Variants in CTNNA2 observed in about 807,000 individuals in gnomAD.
CTNNA2 encodes the protein catenin alpha 2.
CTNNA2 carries 42 observed loss-of-function variants against 101.0 expected under a neutral mutation model. That is an observed-to-expected ratio of 0.42 (90% confidence interval 0.32 to 0.54). The LOEUF is 0.54. Ranked by LOEUF, CTNNA2 falls within the 20% of genes least tolerant of loss-of-function variation. The pLI is 0.14. For missense variants in CTNNA2, 871 were observed against 1,223.1 expected, an observed-to-expected ratio of 0.71 and a Z score of 4.29; for synonymous variants, 450 against 456.4, an observed-to-expected ratio of 0.99 and a Z score of 0.18.
At chr2:80,170,841 G>A (rs922287161) in intron 7 of CTNNA2, among the ~76,000 whole-genome samples, 5 of 152,130 alleles carry the variant, frequency 3.3e-5, no homozygotes, top group African/African-American at 7.2e-5. Context: ...TGCTGGGGTT[G>A]CTTTTATATT....
intron 4 of CTNNA2, among the ~76,000 whole-genome samples, chr2:79,495,045 G>A (rs1192230047): frequency 6.6e-6 from 1 of 152,134 alleles, no homozygotes; most frequent in African/African-American, 2.4e-5. Flanking sequence ...GGAGCTTGCA[G>A]TGAGCCGAGA....
intron 1 of CTNNA2, among the ~76,000 whole-genome samples, chr2:79,618,375 T>TA (rs1373727461): frequency 6.6e-6 from 1 of 152,202 alleles, no homozygotes; most frequent in East Asian, 1.9e-4. Context: ...CTATGATAGT[T>TA]ATTGGATTGG....
chr2:79,730,364 A>G lies in CTNNA2; in HGVS notation c.103-14023A>G, dbSNP rs17017711. On this transcript the variant is annotated intron_variant, in intron 2 of 18. Transcript: ENST00000402739. ...GGTTTATTTTAATTCTAGAGTAGAAACTAATGAACAATAGAAGGATGAGAT... is the reference window on the plus strand; with the variant it reads ...GGTTTATTTTAATTCTAGAGTAGAAGCTAATGAACAATAGAAGGATGAGAT... Among the ~76,000 whole-genome samples the G allele has an allele frequency of 9.8e-3, 1,491 of 152,202 alleles. 61 individuals are homozygous for G. The East Asian group carries it at 0.11, about 12-fold the overall frequency.
chr2:79,640,861 T>C (rs1397332207), intron 1 of CTNNA2, among the ~76,000 whole-genome samples: 4 of 152,190 alleles, frequency 2.6e-5, no homozygotes, highest in African/African-American at 9.6e-5. Flanking sequence ...TGGTGGGTTA[T>C]GTCAAACTAA....
chr2:80,286,104 C>T (rs973736314), intron 7 of CTNNA2, among the ~76,000 whole-genome samples: 1 of 152,102 alleles, frequency 6.6e-6, no homozygotes, highest in African/African-American at 2.4e-5. Context: ...TTCCACTTAC[C>T]TGCTCATTGT....
intron 7 of CTNNA2, among the ~76,000 whole-genome samples, chr2:80,244,720 C>T (rs1027161052): frequency 1.3e-5 from 2 of 152,186 alleles, no homozygotes; most frequent in African/African-American, 2.4e-5. Flanking sequence ...TCTCTCATTT[C>T]GTACATCTTA....
At chr2:80,042,356 T>C (rs1285537259) in intron 7 of CTNNA2, among the ~76,000 whole-genome samples, 2 of 152,198 alleles carry the variant, frequency 1.3e-5, no homozygotes, top group Non-Finnish European at 2.9e-5. Context: ...GAGAATGGCG[T>C]CAAGGCTTAA....
intron 2 of CTNNA2, among the ~76,000 whole-genome samples, chr2:79,703,099 A>T (rs1406474068): frequency 3.9e-5 from 6 of 152,204 alleles, no homozygotes; most frequent in Non-Finnish European, 8.8e-5. Flanking sequence ...ACAGAAGAGA[A>T]ATCTGGAGAG....
At chr2:80,639,737 A>G (rs1673262089) in intron 18 of CTNNA2, among the ~76,000 whole-genome samples, 1 of 152,214 alleles carries the variant, frequency 6.6e-6, no homozygotes, top group South Asian at 2.1e-4. Flanking sequence ...TGGTATTAGT[A>G]CAAAAAAGTG....
intron 4 of CTNNA2, chr2:79,498,122 T>A (rs1300184097): frequency 6.6e-6 from 1 of 152,216 alleles, no homozygotes; most frequent in South Asian, 2.1e-4. Flanking sequence ...TCCTCCTATA[T>A]GTAGATACCA....
chr2:80,602,392 A>C (rs1403957603), intron 15 of CTNNA2, among the ~76,000 whole-genome samples: 1 of 152,070 alleles, frequency 6.6e-6, no homozygotes, highest in Non-Finnish European at 1.5e-5. Context: ...TGGAACGTTC[A>C]TGAGGAAGCA....
At chr2:79,578,657 A>G (rs1032283164) in intron 1 of CTNNA2, among the ~76,000 whole-genome samples, 4 of 151,914 alleles carry the variant, frequency 2.6e-5, no homozygotes, top group Admixed American at 2.0e-4. Flanking sequence ...TTTGCCCTGC[A>G]CTCTCTGCCT....
At chr2:80,290,111 G>A (rs1675108514) in intron 7 of CTNNA2, among the ~76,000 whole-genome samples, 1 of 152,178 alleles carries the variant, frequency 6.6e-6, no homozygotes, top group African/African-American at 2.4e-5. Context: ...TTGTGAAGCA[G>A]GCTGAGCAAG....
At chr2:79,402,530 A>C (rs1357426399) in intron 4 of CTNNA2, among the ~76,000 whole-genome samples, 1 of 151,970 alleles carries the variant, frequency 6.6e-6, no homozygotes. Flanking sequence ...ATAATGACTA[A>C]TAAAATAGAA....
intron 4 of CTNNA2, among the ~76,000 whole-genome samples, chr2:79,457,755 G>T (rs1278428068): frequency 6.6e-6 from 1 of 152,172 alleles, no homozygotes; most frequent in South Asian, 2.1e-4. Context: ...TGTTCATTGG[G>T]TTAACGAAGG....
In CTNNA2 at chr2:80,374,680, TGC is replaced by T. The variant is rs201668271; in HGVS notation, c.1057-18529_1057-18528del. Among the ~76,000 whole-genome samples, 735 of 127,514 alleles carry T rather than the reference TGC, an allele frequency of 5.8e-3. 3 individuals are homozygous for T. Among genetic ancestry groups the T allele is most frequent in the African/African-American group, 0.021 (567 of 27,054 alleles). 83.7% of individuals were successfully genotyped at this position (127,514 alleles called of 152,430 possible). On this transcript the variant is annotated intron_variant, in intron 7 of 18. Transcript: ENST00000402739. ...ACTGTCTTTCCTCTGCGTGCGTGCG[TGC>T]GTGTGTGTGTGTGTGTGTGTGTGTG... is the stretch of plus-strand genomic sequence containing the variant.
chr2:79,225,666 G>A (rs1003358717), intron 2 of CTNNA2, among the ~76,000 whole-genome samples: 4 of 152,114 alleles, frequency 2.6e-5, no homozygotes, highest in Non-Finnish European at 5.9e-5. Flanking sequence ...CTTTAAGCTG[G>A]AGTTTGACAA....
Position 80,560,356 on chromosome 2 carries a change from C to T in CTNNA2, c.1741+4463C>T, listed in dbSNP as rs370084254. On this transcript the variant is annotated intron_variant, in intron 12 of 18. Transcript: ENST00000402739. ...GCCAGGACAATGCAGTAGAATGAAT[C>T]CAAGGTTAGGATTCAGAAGAACTGT... is the stretch of plus-strand genomic sequence containing the variant. Among the ~76,000 whole-genome samples, 9 of 152,234 alleles carry T rather than the reference C, an allele frequency of 5.9e-5. No individual in the cohort carries two copies. The South Asian group carries it at 1.9e-3, about 32-fold the overall frequency.
At chr2:79,771,111 TATG>T (rs1359920133) in intron 3 of CTNNA2, among the ~76,000 whole-genome samples, 2 of 152,332 alleles carry the variant, frequency 1.3e-5, no homozygotes, top group African/African-American at 4.8e-5. Context: ...AACTACCTAT[TATG>T]TGGTGAATCA....
Sources: gnomAD v4.1 joint callset for allele counts (sites outside exome capture counted in the v4.1 genomes callset) on GRCh38, gnomAD v4.1.1 for gene constraint, MANE v1.5 for transcripts, NCBI Gene and HGNC (gene_info 2026-07-23, HGNC 2026-07-21) for gene names.